PCDHGB2: variants seen among roughly 807,000 people sequenced by gnomAD.
The protein encoded by PCDHGB2 is protocadherin gamma subfamily B, 2.
A neutral mutation model predicts 59.3 loss-of-function variants in PCDHGB2; 55 were observed. That is an observed-to-expected ratio of 0.93 (90% CI 0.75 to 1.16). PCDHGB2 has a LOEUF of 1.16. Among genes scored for constraint, PCDHGB2 ranks in the 50% most tolerant of loss-of-function variants. PCDHGB2 has a pLI of 0.00. For synonymous variants in PCDHGB2, 516 were observed against 512.0 expected, an observed-to-expected ratio of 1.01 and a Z score of -0.11; for missense variants, 1,228 against 1,198.5, an observed-to-expected ratio of 1.02 and a Z score of -0.36.
chr5:141,431,554 C>A lies in PCDHGB2; in HGVS notation c.2422-63253C>A, dbSNP rs766242338. On this transcript the variant is annotated intron_variant, in intron 1 of 3. Coordinates refer to ENST00000522605, the MANE Select transcript of PCDHGB2 (RefSeq NM_018923.3). The surrounding 1 kb of genome is among the most constrained non-coding windows in gnomAD (Gnocchi z 4.8). ...TGGGCACGCAGCTGCTTGTAGTCAA[C>A]GCTACCGACCCTGACGAAGGAGTCA... 1.2e-6 allele frequency: 2 copies of A among 1,614,008 alleles called. No individual in the cohort carries two copies. Among genetic ancestry groups the A allele is most frequent in the African/African-American group, 1.3e-5 (1 of 74,942 alleles).
chr5:141,371,043 G>A, intron 1 of PCDHGB2: 1 of 1,613,966 alleles, frequency 6.2e-7, no homozygotes, highest in Non-Finnish European at 8.5e-7. Context: ...AGCTGTGGAT[G>A]GGGGCGAGCC....
chr5:141,388,432 A>G (rs760022375), intron 1 of PCDHGB2: 2 of 1,613,878 alleles, frequency 1.2e-6, no homozygotes, highest in Non-Finnish European at 8.5e-7. Context: ...CTGATAAATA[A>G]AGAGAAATCA....
At chr5:141,382,378 C>A (rs1160680038) in intron 1 of PCDHGB2, among the ~76,000 whole-genome samples, 1 of 152,098 alleles carries the variant, frequency 6.6e-6, no homozygotes, top group Non-Finnish European at 1.5e-5. Context: ...TTTTTGCCTT[C>A]AATAACTGAT....
intron 1 of PCDHGB2, chr5:141,383,029 T>G: frequency 6.2e-7 from 1 of 1,613,808 alleles, no homozygotes; most frequent in Non-Finnish European, 8.5e-7. Flanking sequence ...CAAAGGGTCC[T>G]TTGTGGGAGA....
chr5:141,500,139 CT>C (rs2099796692), intron 2 of PCDHGB2, among the ~76,000 whole-genome samples: 2 of 151,768 alleles, frequency 1.3e-5, no homozygotes, highest in East Asian at 3.9e-4. Context: ...TCTTTCTAAA[CT>C]TTTCTTTGTG....
Position 141,393,047 on chromosome 5 carries a change from C to G in PCDHGB2, c.2421+30491C>G, listed in dbSNP as rs778464494. ...GTAGGACGCAGCTCTTTGCTCTGAA[C>G]CCGCGCAGCGGCAGCTTGATCACCG... On this transcript the variant is annotated intron_variant, in intron 1 of 3. Transcript: ENST00000522605. 16 of 1,613,566 alleles carry G rather than the reference C, an allele frequency of 9.9e-6. No homozygotes were observed. The South Asian group carries it at 1.6e-4, about 17-fold the overall frequency.
At chr5:141,470,173 A>G (rs527296791) in intron 1 of PCDHGB2, among the ~76,000 whole-genome samples, 1 of 152,342 alleles carries the variant, frequency 6.6e-6, no homozygotes, top group South Asian at 2.1e-4. Context: ...AAGTATGCAA[A>G]ATATTCAAGT....
chr5:141,477,052 C>T lies in PCDHGB2; in HGVS notation c.2422-17755C>T. On this transcript the variant is annotated intron_variant, in intron 1 of 3. Coordinates refer to ENST00000522605, the MANE Select transcript of PCDHGB2 (RefSeq NM_018923.3). The surrounding 1 kb of genome is among the most constrained non-coding windows in gnomAD (Gnocchi z 4.9). ...TGACAATCAAGGGTCGGCTGGACTT[C>T]GAGGACACCAAACTCCATGAGATTT... 1.2e-6 allele frequency: 2 copies of T among 1,614,240 alleles called. No individual in the cohort carries two copies. The highest frequency in any genetic ancestry group is 1.7e-6 in the Non-Finnish European group (2 of 1,180,032).
chr5:141,431,163 A>G lies in PCDHGB2; in HGVS notation c.2422-63644A>G. On this transcript the variant is annotated intron_variant, in intron 1 of 3. Transcript: ENST00000522605. This position sits in a 1 kb window ranked among gnomAD's most constrained non-coding sequence, Gnocchi z 4.8. ...AACGACAATGCGCCTTACTTTCGTG[A>G]AAGTGAATTAGAAATAAAAATTAGT... 1 of 1,614,246 alleles carries G rather than the reference A, an allele frequency of 6.2e-7. No individual in the cohort carries two copies. Among genetic ancestry groups the G allele is most frequent in the Non-Finnish European group, 8.5e-7 (1 of 1,180,036 alleles).
chr5:141,375,635 C>T (rs776372663), intron 1 of PCDHGB2: 4 of 1,614,096 alleles, frequency 2.5e-6, no homozygotes, highest in Non-Finnish European at 1.7e-6. Flanking sequence ...GTACGCCCTG[C>T]GCTCCTTCGA....
At chr5:141,420,521 C>A in intron 1 of PCDHGB2, 1 of 378,418 alleles carries the variant, frequency 2.6e-6, no homozygotes, top group Non-Finnish European at 4.4e-6. Context: ...AGTAAAATAC[C>A]TTTCGGTTAA....
intron 1 of PCDHGB2, chr5:141,374,678 A>C (rs753625335): frequency 1.2e-6 from 2 of 1,610,496 alleles, no homozygotes; most frequent in Admixed American, 1.7e-5. Flanking sequence ...GCTGGAGGGC[A>C]CACTGGACCG....
chr5:141,395,222 A>G, intron 1 of PCDHGB2: 2 of 1,611,606 alleles, frequency 1.2e-6, no homozygotes, highest in Non-Finnish European at 1.7e-6. Flanking sequence ...ATAAGAATGA[A>G]GCTGATCATG....
chr5:141,407,497 G>GTTTTTTTTTTTTTTTTTTTTTTTTTT (rs1554102286), intron 1 of PCDHGB2, among the ~76,000 whole-genome samples: 1 of 152,086 alleles, frequency 6.6e-6, no homozygotes, highest in African/African-American at 2.4e-5. Context: ...CTTTATTTCT[G>GTTTTTTTTTTTTTTTTTTTTTTTTTT]TTTTTCTTAG....
chr5:141,497,804 T>G (rs1196976996), intron 2 of PCDHGB2, among the ~76,000 whole-genome samples: 1 of 152,186 alleles, frequency 6.6e-6, no homozygotes, highest in Non-Finnish European at 1.5e-5. Context: ...CTTCCCAAAG[T>G]GCTAGAATTA....
At chr5:141,384,610 G>A in intron 1 of PCDHGB2, 1 of 1,614,238 alleles carries the variant, frequency 6.2e-7, no homozygotes, top group Non-Finnish European at 8.5e-7. Context: ...CCCCACAGAT[G>A]GTTCTACTGG....
chr5:141,454,489 C>T (rs1450435753), intron 1 of PCDHGB2, among the ~76,000 whole-genome samples: 1 of 152,222 alleles, frequency 6.6e-6, no homozygotes, highest in African/African-American at 2.4e-5. Flanking sequence ...TCACCGCAAC[C>T]TCCACCTCCT....
At chr5:141,504,738 C>G (rs2099840693) in intron 2 of PCDHGB2, among the ~76,000 whole-genome samples, 1 of 151,874 alleles carries the variant, frequency 6.6e-6, no homozygotes, top group Non-Finnish European at 1.5e-5. Flanking sequence ...GCTTAGGAAG[C>G]CATTGAATTT....
intron 1 of PCDHGB2, among the ~76,000 whole-genome samples, chr5:141,460,983 G>GTGTGTGTA (rs1554142949): frequency 2.2e-5 from 3 of 137,844 alleles, no homozygotes; most frequent in African/African-American, 7.7e-5. Flanking sequence ...GTGTGTGTGT[G>GTGTGTGTA]TATATATATA....
Sources: gnomAD v4.1 joint callset for allele counts (sites outside exome capture counted in the v4.1 genomes callset) on GRCh38, gnomAD v4.1.1 for gene constraint, Gnocchi (gnomAD v3.1) non-coding constraint, MANE v1.5 for transcripts, NCBI Gene and HGNC (gene_info 2026-07-23, HGNC 2026-07-21) for gene names.